The following PBX1 variants were observed in gnomAD, a reference collection of about 807,000 sequenced individuals.
The protein encoded by PBX1 is PBX homeobox 1, also known as pre-B-cell leukemia transcription factor 1.
PBX1 carries 6 observed loss-of-function variants against 53.4 expected under a neutral mutation model. The observed-to-expected ratio is 0.11, with a 90% CI of 0.06 to 0.22. The LOEUF (loss-of-function observed/expected upper bound fraction) is 0.22, where lower values mean the gene tolerates loss of function less well. Ranked by LOEUF, PBX1 falls within the 10% of genes least tolerant of loss-of-function variation. The pLI, the probability that PBX1 is intolerant of heterozygous loss-of-function variation, is 1.00. For missense variants in PBX1, 251 were observed against 551.4 expected (o/e 0.46, Z 5.46); for synonymous variants, 204 against 212.3 (o/e 0.96, Z 0.34).
At chr1:164,672,270 G>C (rs1661164160) in intron 2 of PBX1, among the ~76,000 whole-genome samples, 1 of 152,134 alleles carries the variant, frequency 6.6e-6, no homozygotes, top group African/African-American at 2.4e-5. Context: ...GGTGGGCACT[G>C]CTCAGGGGAC....
chr1:164,723,303 G>A (rs1247597917), intron 2 of PBX1, among the ~76,000 whole-genome samples: 3 of 152,150 alleles, frequency 2.0e-5, no homozygotes. Context: ...GTGCAGAGGA[G>A]TTTCTTGGGC....
intron 2 of PBX1, chr1:164,639,708 G>A (rs1659001664): frequency 6.6e-6 from 1 of 152,210 alleles, no homozygotes; most frequent in Non-Finnish European, 1.5e-5. Context: ...TGTCACTCAG[G>A]CTGGAGTGCA....
chr1:164,885,142 C>T (rs567088614), intron 2 of PBX1, among the ~76,000 whole-genome samples: 1 of 152,110 alleles, frequency 6.6e-6, no homozygotes, highest in African/African-American at 2.4e-5. Context: ...ATAACTTGCC[C>T]AAGATCACAT....
chr1:164,828,007 G>C (rs1302357819), intron 8 of PBX1, among the ~76,000 whole-genome samples: 2 of 152,110 alleles, frequency 1.3e-5, no homozygotes, highest in African/African-American at 4.8e-5. Context: ...CAAGGGAACT[G>C]ACCAACTCTA....
intron 2 of PBX1, among the ~76,000 whole-genome samples, chr1:164,659,768 A>T (rs1660374510): frequency 6.6e-6 from 1 of 152,178 alleles, no homozygotes; most frequent in East Asian, 1.9e-4. Context: ...GCAGAGAGAC[A>T]GGATTACTAC....
chr1:164,615,181 A>C (rs947126995), intron 2 of PBX1, among the ~76,000 whole-genome samples: 13 of 152,166 alleles, frequency 8.5e-5, no homozygotes, highest in Non-Finnish European at 1.5e-4. Flanking sequence ...TTATGGACAC[A>C]ATTTCTCCAT....
intron 2 of PBX1, among the ~76,000 whole-genome samples, chr1:164,575,409 C>T (rs1654149792): frequency 6.6e-6 from 1 of 152,166 alleles, no homozygotes; most frequent in African/African-American, 2.4e-5. Flanking sequence ...ATATATTTGT[C>T]TTGCTTTGAG....
At chr1:164,779,448 A>G (rs1354286969) in intron 2 of PBX1, among the ~76,000 whole-genome samples, 1 of 152,130 alleles carries the variant, frequency 6.6e-6, no homozygotes, top group Non-Finnish European at 1.5e-5. Context: ...GTGCGGGTTG[A>G]GAGATTTTTA....
chr1:164,832,778 C>A (rs1670832953), intron 8 of PBX1, among the ~76,000 whole-genome samples: 1 of 151,912 alleles, frequency 6.6e-6, no homozygotes, highest in Non-Finnish European at 1.5e-5. Context: ...GATAAAATTG[C>A]ATGTAAATTG....
intron 8 of PBX1, among the ~76,000 whole-genome samples, chr1:164,833,813 T>C (rs1189426494): frequency 2.6e-5 from 4 of 152,062 alleles, no homozygotes; most frequent in Non-Finnish European, 4.4e-5. Context: ...TCTGCCTGCC[T>C]TGAACCCCCA....
Position 164,823,835 on chromosome 1 carries a change from A to G in PBX1, c.1200+2209A>G, listed in dbSNP as rs377712481. Among the ~76,000 whole-genome samples, 163 of 152,226 alleles carry G rather than the reference A, an allele frequency of 1.1e-3. 2 individuals are homozygous for G. Among genetic ancestry groups the G allele is most frequent in the African/African-American group, 3.5e-3 (147 of 41,538 alleles). ...TTTTATTTCTGGGTCTTTAATATGCAGGGTAAATGAATCAAAGGCTGATCG... is the reference window on the plus strand; with the variant it reads ...TTTTATTTCTGGGTCTTTAATATGCGGGGTAAATGAATCAAAGGCTGATCG... On this transcript the variant is annotated intron_variant, in intron 8 of 8. Transcript: ENST00000420696.
At chr1:164,792,013 C>T (rs373592185) in intron 2 of PBX1, among the ~76,000 whole-genome samples, 228 of 152,090 alleles carry the variant, frequency 1.5e-3, no homozygotes, top group African/African-American at 5.3e-3. Context: ...TTAGTAGAGA[C>T]GGGGTTTCAC....
intron 2 of PBX1, among the ~76,000 whole-genome samples, chr1:164,773,272 C>CACACACACAG (rs1362885684): frequency 6.6e-6 from 1 of 151,472 alleles, no homozygotes; most frequent in South Asian, 2.1e-4. Flanking sequence ...CACACACACA[C>CACACACACAG]AGAGTTTTTC....
intron 2 of PBX1, among the ~76,000 whole-genome samples, chr1:164,565,710 A>G (rs1318795115): frequency 1.3e-5 from 2 of 150,764 alleles, no homozygotes; most frequent in East Asian, 2.0e-4. Flanking sequence ...CATGCAGTTG[A>G]TGGGTCGGAG....
chr1:164,679,340 T>C (rs1661614592), intron 2 of PBX1, among the ~76,000 whole-genome samples: 1 of 152,186 alleles, frequency 6.6e-6, no homozygotes, highest in African/African-American at 2.4e-5. Flanking sequence ...AGACAGTTAC[T>C]GAGACCATCG....
At chr1:164,714,170 T>A (rs1199281073) in intron 2 of PBX1, among the ~76,000 whole-genome samples, 1 of 152,174 alleles carries the variant, frequency 6.6e-6, no homozygotes, top group Non-Finnish European at 1.5e-5. Flanking sequence ...ATGATTTTGG[T>A]TAATGCTCTA....
intron 2 of PBX1, among the ~76,000 whole-genome samples, chr1:164,574,449 G>T (rs1654083148): frequency 1.3e-5 from 2 of 152,158 alleles, no homozygotes; most frequent in African/African-American, 4.8e-5. Flanking sequence ...ATATTCCATG[G>T]GTTGTGAGCC....
chr1:164,643,417 TG>T (rs1343068200), intron 2 of PBX1, among the ~76,000 whole-genome samples: 2 of 152,074 alleles, frequency 1.3e-5, no homozygotes, highest in African/African-American at 4.8e-5. Context: ...TGGTTTTTGG[TG>T]AAGGGGTTGG....
At chr1:164,713,228 T>A (rs747813355) in intron 2 of PBX1, among the ~76,000 whole-genome samples, 2 of 152,152 alleles carry the variant, frequency 1.3e-5, no homozygotes, top group Non-Finnish European at 2.9e-5. Context: ...TTTCTCTATG[T>A]AGTGATAGAG....
Sources: allele counts gnomAD v4.1 joint callset (sites outside exome capture counted in the v4.1 genomes callset), GRCh38; gene constraint gnomAD v4.1.1; transcripts MANE v1.5; gene names NCBI Gene and HGNC (gene_info 2026-07-23, HGNC 2026-07-21).